The following PHF14 variants were observed in gnomAD, a reference collection of about 807,000 sequenced individuals.
PHF14 encodes PHD finger protein 14.
Under a neutral mutation model 117.9 loss-of-function variants are expected in PHF14, and 55 were observed. The observed-to-expected ratio is 0.47, with a 90% CI of 0.38 to 0.58. PHF14 has a LOEUF of 0.58. PHF14 is among the 20% of genes least tolerant of loss of function. The probability of loss-of-function intolerance (pLI) is 0.00; values close to 1 mark genes in which losing one functional copy is unlikely to be tolerated. For missense variants in PHF14, 978 were observed against 1,122.2 expected (o/e 0.87, Z 1.84); for synonymous variants, 409 against 368.6 (o/e 1.11, Z -1.26).
chr7:11,133,528 A>G (rs573801707), intron 17 of PHF14, among the ~76,000 whole-genome samples: 1 of 151,940 alleles, frequency 6.6e-6, no homozygotes, highest in Non-Finnish European at 1.5e-5. Flanking sequence ...AGGGTGGTAA[A>G]TATTATGTCA....
At chr7:11,064,951 CA>C (rs1785375400) in intron 16 of PHF14, among the ~76,000 whole-genome samples, 1 of 151,906 alleles carries the variant, frequency 6.6e-6, no homozygotes, top group Non-Finnish European at 1.5e-5. Context: ...TTTAGTAACA[CA>C]AAGAATACAT....
At chr7:11,121,513 A>T (rs943337192) in intron 17 of PHF14, among the ~76,000 whole-genome samples, 3 of 152,144 alleles carry the variant, frequency 2.0e-5, no homozygotes, top group African/African-American at 7.2e-5. Context: ...AGATGCCTTA[A>T]ACCAGTTATT....
chr7:11,109,562 C>T (rs1252817310), intron 16 of PHF14: 2 of 151,784 alleles, frequency 1.3e-5, no homozygotes, highest in African/African-American at 2.4e-5. Context: ...AATACTTATA[C>T]TTTGAAGGTT....
At chr7:11,117,301 T>C (rs1164489022) in intron 17 of PHF14, among the ~76,000 whole-genome samples, 1 of 151,874 alleles carries the variant, frequency 6.6e-6, no homozygotes, top group African/African-American at 2.4e-5. Context: ...GCTTGGAGAC[T>C]TCTATTTGGT....
intron 10 of PHF14, among the ~76,000 whole-genome samples, chr7:11,037,692 T>C (rs1219009529): frequency 6.6e-6 from 1 of 152,194 alleles, no homozygotes; most frequent in African/African-American, 2.4e-5. Context: ...GTGGTTAAAA[T>C]GTTATACCAA....
intron 17 of PHF14, among the ~76,000 whole-genome samples, chr7:11,142,311 C>A (rs191813729): frequency 2.0e-5 from 3 of 152,046 alleles, no homozygotes; most frequent in Admixed American, 2.0e-4. Context: ...TATAGTGATA[C>A]ACATAGCAAT....
chr7:11,018,943 A>G (rs1339533423), intron 5 of PHF14, among the ~76,000 whole-genome samples: 1 of 152,018 alleles, frequency 6.6e-6, no homozygotes, highest in African/African-American at 2.4e-5. Context: ...AGTTTTTATG[A>G]TGAAGGGATG....
chr7:10,977,333 A>C (rs1448523364), intron 2 of PHF14, among the ~76,000 whole-genome samples: 1 of 152,142 alleles, frequency 6.6e-6, no homozygotes, highest in African/African-American at 2.4e-5. Context: ...CTTAGAACTT[A>C]ATATTAAAGT....
At chr7:11,093,113 C>T (rs1786706863) in intron 16 of PHF14, among the ~76,000 whole-genome samples, 1 of 152,190 alleles carries the variant, frequency 6.6e-6, no homozygotes, top group Admixed American at 6.5e-5. Flanking sequence ...CTCTTTAACT[C>T]ATGGGTTATT....
intron 3 of PHF14, among the ~76,000 whole-genome samples, chr7:10,988,150 A>T (rs1782293340): frequency 6.6e-6 from 1 of 152,008 alleles, no homozygotes; most frequent in Non-Finnish European, 1.5e-5. Context: ...TTTTATCTCT[A>T]GTTTTCCCTA....
At chr7:11,103,438 A>G (rs954487172) in intron 16 of PHF14, 1 of 981,430 alleles carries the variant, frequency 1.0e-6, no homozygotes, top group Non-Finnish European at 1.2e-6. Context: ...CTTCATCAAC[A>G]TCTGTATCTT....
At chr7:11,100,788 T>A (rs980373465) in intron 16 of PHF14, among the ~76,000 whole-genome samples, 2 of 151,964 alleles carry the variant, frequency 1.3e-5, no homozygotes, top group African/African-American at 4.8e-5. Flanking sequence ...AATTATAATT[T>A]GAGTCTAGGC....
intron 2 of PHF14, among the ~76,000 whole-genome samples, chr7:10,978,388 T>C (rs186746208): frequency 6.8e-4 from 103 of 152,290 alleles, no homozygotes; most frequent in Non-Finnish European, 1.2e-3. Context: ...ATTAGATTGA[T>C]GTAGAACAAT....
chr7:11,113,640 A>G (rs1208221007), intron 17 of PHF14, among the ~76,000 whole-genome samples: 2 of 152,124 alleles, frequency 1.3e-5, no homozygotes, highest in Admixed American at 6.6e-5. Flanking sequence ...GAAATTTAAT[A>G]TAATATTTAA....
chr7:11,012,112 C>T (rs1333349973), intron 4 of PHF14, among the ~76,000 whole-genome samples: 1 of 152,116 alleles, frequency 6.6e-6, no homozygotes, highest in Non-Finnish European at 1.5e-5. Context: ...AGTTCACAGA[C>T]AAAATTGAGT....
chr7:11,164,948 G>A (rs1029722423), intron 17 of PHF14, among the ~76,000 whole-genome samples: 17 of 151,430 alleles, frequency 1.1e-4, no homozygotes, highest in Admixed American at 7.2e-4. Flanking sequence ...TTTTTGAGAC[G>A]GAGTCTCGCT....
intron 15 of PHF14, 50 bp downstream of exon 15, chr7:11,061,891 C>T (rs1426378640): frequency 5.3e-6 from 8 of 1,512,004 alleles, no homozygotes; most frequent in Non-Finnish European, 7.1e-6. Flanking sequence ...GAGAAATTTT[C>T]TTGCTTAAAA....
rs371618422 is a variant in PHF14, at chr7:11,045,661, C to T, written c.2312+2847C>T. Among the ~76,000 whole-genome samples, 43 of 152,286 alleles carry T rather than the reference C, an allele frequency of 2.8e-4. No individual in the cohort carries two copies. The East Asian group carries it at 6.6e-3, about 23-fold the overall frequency. ...TCAGTCCATCCCAGAGTTCTGTGGA[C>T]TGTGCTGGGCAGGTTAAGACATGTG... On this transcript the variant is annotated intron_variant, in intron 13 of 17. Transcript: ENST00000634607.
At chr7:11,018,724 C>A (rs1182406219) in intron 5 of PHF14, among the ~76,000 whole-genome samples, 1 of 152,078 alleles carries the variant, frequency 6.6e-6, no homozygotes, top group Non-Finnish European at 1.5e-5. Context: ...AATTTGGATG[C>A]CCTTTTTATC....
Sources: allele counts gnomAD v4.1 joint callset (sites outside exome capture counted in the v4.1 genomes callset), GRCh38; gene constraint gnomAD v4.1.1; transcripts MANE v1.5; gene names NCBI Gene and HGNC (gene_info 2026-07-23, HGNC 2026-07-21).